The following HELZ variants were observed in gnomAD, a reference collection of about 807,000 sequenced individuals.
HELZ encodes ATP-dependent RNA helicase with zinc finger domain.
In HELZ, 23 loss-of-function variants were observed where a neutral mutation model predicts 218.2. The observed-to-expected ratio is 0.11, with a 90% CI of 0.08 to 0.15. The LOEUF is 0.15. HELZ is among the 10% of genes least tolerant of loss of function. The pLI is 1.00. For synonymous variants in HELZ, 814 were observed against 829.4 expected (o/e 0.98, Z 0.32); for missense variants, 1,813 against 2,353.7 (o/e 0.77, Z 4.75).
chr17:67,125,877 G>C (rs185941506), intron 24 of HELZ, among the ~76,000 whole-genome samples: 9 of 152,310 alleles, frequency 5.9e-5, no homozygotes, highest in Non-Finnish European at 2.9e-5. Context: ...GAGGAAGTAA[G>C]AGAGATTCCC....
chr17:67,127,663 C>T lies in HELZ; in HGVS notation c.3387+988G>A, dbSNP rs538397392. 2.0e-5 allele frequency among the ~76,000 whole-genome samples: 3 copies of T among 152,230 alleles called. No individual in the cohort carries two copies. The South Asian group carries it at 6.2e-4, about 32-fold the overall frequency. On this transcript the variant is annotated intron_variant, in intron 24 of 32. Transcript: ENST00000358691. ...CGGAGTTTGAGACCAGCCTGGGCAACATGCTAAACCTTGTCTCTACGAAAA... is the reference window on the plus strand; with the variant it reads ...CGGAGTTTGAGACCAGCCTGGGCAATATGCTAAACCTTGTCTCTACGAAAA...
chr17:67,219,506 G>A (rs2143310050), intron 3 of HELZ, among the ~76,000 whole-genome samples: 2 of 152,312 alleles, frequency 1.3e-5, no homozygotes, highest in South Asian at 4.1e-4. Context: ...ATTGCAAAAG[G>A]TGAACAGGAG....
intron 5 of HELZ, among the ~76,000 whole-genome samples, chr17:67,210,811 A>G (rs185357940): frequency 2.3e-4 from 35 of 152,292 alleles, no homozygotes; most frequent in Non-Finnish European, 4.9e-4. Flanking sequence ...AGTCCCAGCT[A>G]CTTGGGAGGC....
In HELZ at chr17:67,150,041, A is replaced by C. The variant is rs1378124161; in HGVS notation, c.2357-56T>G. 5.1e-6 allele frequency: 5 copies of C among 976,194 alleles called. No homozygotes were observed. The South Asian group carries it at 7.7e-5, about 15-fold the overall frequency. The allele number at this position is 976,194 out of a possible 1,614,324, so 60.5% of individuals were successfully genotyped here. A position where few individuals can be genotyped will look rare whatever the true frequency, so the allele number is the denominator to read the frequency against. ...ACGCTAGAGCAGCAACAAAGGCAGAAGGACTATAGTTATTTTCTTTTCTGC... is the reference window on the plus strand; with the variant it reads ...ACGCTAGAGCAGCAACAAAGGCAGACGGACTATAGTTATTTTCTTTTCTGC... On this transcript the variant is annotated intron_variant, in intron 18 of 32. Coordinates refer to ENST00000358691, the MANE Select transcript of HELZ (RefSeq NM_014877.4).
intron 27 of HELZ, 56 bp from the exon 28 acceptor site, chr17:67,114,459 A>C: frequency 1.0e-6 from 1 of 984,454 alleles, no homozygotes; most frequent in South Asian, 1.3e-5. Flanking sequence ...TGACACTTCC[A>C]ATGCTTATCC....
chr17:67,167,889 A>G, intron 13 of HELZ, 93 bp from the exon 14 acceptor site: 1 of 841,898 alleles, frequency 1.2e-6, no homozygotes, highest in East Asian at 2.7e-5. Context: ...ATATAAACAT[A>G]CCAAAAATTA....
chr17:67,207,450 C>T (rs1286742694), intron 5 of HELZ, among the ~76,000 whole-genome samples: 1 of 151,798 alleles, frequency 6.6e-6, no homozygotes, highest in Non-Finnish European at 1.5e-5. Flanking sequence ...GAACTCCTGA[C>T]CTCAGGTGAT....
chr17:67,079,121 CCTGA>C (rs1252227767), intron 32 of HELZ, among the ~76,000 whole-genome samples: 2 of 152,152 alleles, frequency 1.3e-5, no homozygotes, highest in South Asian at 2.1e-4. Flanking sequence ...CTATAATGTG[CCTGA>C]CTTTCAAGGT....
intron 5 of HELZ, among the ~76,000 whole-genome samples, chr17:67,208,460 G>T (rs906627110): frequency 6.6e-6 from 1 of 152,122 alleles, no homozygotes; most frequent in Admixed American, 6.6e-5. Flanking sequence ...ATAACTGGGG[G>T]AAAGTAGGTG....
At chr17:67,212,139 T>A (rs1396165405) in intron 5 of HELZ, among the ~76,000 whole-genome samples, 1 of 151,494 alleles carries the variant, frequency 6.6e-6, no homozygotes, top group Non-Finnish European at 1.5e-5. Flanking sequence ...CTGGCCAACA[T>A]GGTGAAACCT....
At chr17:67,245,402 G>A (rs2041457026), upstream of HELZ, 1 of 833,676 alleles carries the variant, frequency 1.2e-6, no homozygotes, top group Non-Finnish European at 1.4e-6. Context: ...TTTAAAACGT[G>A]GCTTTGGGGT....
chr17:67,188,855 C>T lies in HELZ; in HGVS notation c.865-239G>A, dbSNP rs374982807. ...GTGACATGTTCATTTTTCACTGTGG[C>T]AAAAGCTATCACCCTATATAACCAT... is the stretch of plus-strand genomic sequence containing the variant. On this transcript the variant is annotated intron_variant, in intron 11 of 32. Coordinates refer to ENST00000358691, the MANE Select transcript of HELZ (RefSeq NM_014877.4). This position sits in a 1 kb window ranked among gnomAD's most constrained non-coding sequence, Gnocchi z 4.1. 1.9e-3 allele frequency among the ~76,000 whole-genome samples: 285 copies of T among 152,208 alleles called. 2 individuals carry two copies. The highest frequency in any genetic ancestry group is 2.7e-3 in the Admixed American group (41 of 15,282).
intron 17 of HELZ, among the ~76,000 whole-genome samples, chr17:67,154,770 T>C (rs1367446787): frequency 6.6e-6 from 1 of 152,212 alleles, no homozygotes; most frequent in Non-Finnish European, 1.5e-5. Context: ...TTTTACACAA[T>C]GTAGATAATC....
chr17:67,103,118 A>G (rs903515004), intron 31 of HELZ, among the ~76,000 whole-genome samples: 2 of 152,184 alleles, frequency 1.3e-5, no homozygotes, highest in Non-Finnish European at 2.9e-5. Flanking sequence ...ATCATAAGTG[A>G]TATCAGCAAA....
intron 21 of HELZ, among the ~76,000 whole-genome samples, chr17:67,144,266 G>A (rs1598312465): frequency 6.6e-6 from 1 of 152,100 alleles, no homozygotes; most frequent in African/African-American, 2.4e-5. Context: ...GAGGTGAACA[G>A]GGTCAGTCCT....
rs1406746980 is a variant in HELZ at position 67,124,015 on chromosome 17, C to CT, written c.3388-2dup. 3.1e-6 allele frequency: 5 copies of CT among 1,587,870 alleles called. No homozygotes were observed. The highest frequency in any genetic ancestry group is 4.3e-6 in the Non-Finnish European group (5 of 1,157,720). On this transcript the variant is annotated splice_acceptor_variant, in intron 24 of 32. Transcript: ENST00000358691. LOFTEE classifies it high-confidence loss of function. Reference sequence around the variant, plus strand: ...TCTGGGTATGATGAAGACTTTTCCCCTTTAAAGAAAAACACAAATGTATAA... The same window carrying CT: ...TCTGGGTATGATGAAGACTTTTCCCCTTTTAAAGAAAAACACAAATGTATAA...
intron 27 of HELZ, among the ~76,000 whole-genome samples, chr17:67,119,433 G>C (rs2037529758): frequency 6.6e-6 from 1 of 152,150 alleles, no homozygotes; most frequent in Non-Finnish European, 1.5e-5. Context: ...AGAGAGTATG[G>C]GACAAAAGTC....
At chr17:67,084,333 A>G (rs572755437) in intron 32 of HELZ, among the ~76,000 whole-genome samples, 17 of 152,340 alleles carry the variant, frequency 1.1e-4, no homozygotes, top group Middle Eastern at 3.4e-3. Context: ...GCTTTTTATT[A>G]ATTTCAGCAA....
intron 31 of HELZ, among the ~76,000 whole-genome samples, chr17:67,094,275 T>G (rs1003500886): frequency 6.7e-6 from 1 of 149,154 alleles, no homozygotes. Flanking sequence ...TGAGCTGAGA[T>G]CATATACTGC....
Sources: allele counts gnomAD v4.1 joint callset (sites outside exome capture counted in the v4.1 genomes callset), GRCh38; gene constraint gnomAD v4.1.1; non-coding constraint Gnocchi (gnomAD v3.1); transcripts MANE v1.5; gene names NCBI Gene and HGNC (gene_info 2026-07-23, HGNC 2026-07-21).